PRKCA: variants seen among roughly 807,000 people sequenced by gnomAD.
PRKCA encodes the protein protein kinase C alpha, also known as protein kinase C alpha type.
In PRKCA, 27 loss-of-function variants were observed where a neutral mutation model predicts 87.0. The ratio of observed to expected loss-of-function variants is 0.31; its 90% CI spans 0.23 to 0.43. The LOEUF is 0.43. PRKCA is among the 20% of genes least tolerant of loss of function. PRKCA has a pLI of 1.00. For synonymous variants in PRKCA, 329 were observed against 311.1 expected, an observed-to-expected ratio of 1.06 and a Z score of -0.61; for missense variants, 518 against 852.3, an observed-to-expected ratio of 0.61 and a Z score of 4.88.
chr17:66,731,351 G>GGAAAAAA (rs548166884), intron 8 of PRKCA, among the ~76,000 whole-genome samples: 11 of 112,466 alleles, frequency 9.8e-5, no homozygotes, highest in African/African-American at 4.1e-4. Context: ...CTCCGTCTCA[G>GGAAAAAA]AAAAAAAAAA....
At chr17:66,436,530 A>G (rs1242921201) in intron 2 of PRKCA, among the ~76,000 whole-genome samples, 3 of 152,214 alleles carry the variant, frequency 2.0e-5, no homozygotes, top group Non-Finnish European at 2.9e-5. Context: ...ATTACGGTGA[A>G]TATTCATTGT....
At chr17:66,659,401 C>T (rs933770691) in intron 5 of PRKCA, among the ~76,000 whole-genome samples, 1 of 152,082 alleles carries the variant, frequency 6.6e-6, no homozygotes, top group Non-Finnish European at 1.5e-5. Context: ...CATGAGGAGA[C>T]TCTGTGGAGC....
chr17:66,785,949 C>A (rs1007635428), intron 14 of PRKCA, among the ~76,000 whole-genome samples: 5 of 152,230 alleles, frequency 3.3e-5, no homozygotes, highest in Non-Finnish European at 7.3e-5. Context: ...CTGCCTCAGC[C>A]TCCCCAGTAG....
chr17:66,549,708 G>A (rs1351414549), intron 3 of PRKCA, among the ~76,000 whole-genome samples: 1 of 151,058 alleles, frequency 6.6e-6, no homozygotes, highest in African/African-American at 2.5e-5. Flanking sequence ...GCTGATGAGA[G>A]AGAGGAGTAA....
At position 66,665,215 on chromosome 17, in the gene PRKCA, T is replaced by G. The variant is rs1157152696; in HGVS notation, c.529+19704T>G. Among the ~76,000 whole-genome samples the G allele has an allele frequency of 2.6e-5, 4 of 152,256 alleles. No homozygotes were observed. The East Asian group carries it at 7.7e-4, about 29-fold the overall frequency. ...TACTTGTATAATCTTTTTTAATACT[T>G]AAACGGTTCCTATTGCATGAAACTC... On this transcript the variant is annotated intron_variant, in intron 5 of 16. Coordinates refer to ENST00000413366, the MANE Select transcript of PRKCA (RefSeq NM_002737.3).
intron 8 of PRKCA, among the ~76,000 whole-genome samples, chr17:66,729,772 G>A (rs978904678): frequency 3.5e-5 from 5 of 142,602 alleles, no homozygotes; most frequent in Non-Finnish European, 6.0e-5. Context: ...CTGTATGAGC[G>A]AGTTATTCTT....
chr17:66,713,067 T>TTTTTTTTTTTTTTTTTG (rs1403247186), intron 8 of PRKCA, among the ~76,000 whole-genome samples: 1 of 145,580 alleles, frequency 6.9e-6, no homozygotes, highest in Non-Finnish European at 1.5e-5. Flanking sequence ...TTTTTTTTTT[T>TTTTTTTTTTTTTTTTTG]TTGAGATGGA....
chr17:66,438,693 C>T (rs558266655), intron 2 of PRKCA, among the ~76,000 whole-genome samples: 1 of 152,170 alleles, frequency 6.6e-6, no homozygotes, highest in East Asian at 1.9e-4. Context: ...CTGGGGAGGC[C>T]TCAGGAAACT....
At chr17:66,579,564 C>G (rs1969354514) in intron 3 of PRKCA, among the ~76,000 whole-genome samples, 1 of 152,150 alleles carries the variant, frequency 6.6e-6, no homozygotes, top group Admixed American at 6.5e-5. Flanking sequence ...AACTGAGGCA[C>G]AGAGAGGCCA....
chr17:66,496,165 G>T lies in PRKCA; in HGVS notation c.206-36G>T, dbSNP rs780915641. The T allele has an allele frequency of 1.9e-5, 28 of 1,503,174 alleles. No individual in the cohort carries two copies. In the African/African-American group the frequency reaches 3.0e-4, roughly 16 times the overall value. The allele number at this position is 1,503,174 out of a possible 1,614,324, so 93.1% of individuals were successfully genotyped here. On this transcript the variant is annotated intron_variant, in intron 2 of 16. Transcript: ENST00000413366. ...AAATAAAGCTCGTATGTTAAATCATGTCTATTCTAATTTTAGTTTCCTTTT... is the reference window on the plus strand; with the variant it reads ...AAATAAAGCTCGTATGTTAAATCATTTCTATTCTAATTTTAGTTTCCTTTT...
At chr17:66,793,590 C>CAA (rs1168440797) in intron 16 of PRKCA, among the ~76,000 whole-genome samples, 16 of 51,576 alleles carry the variant, frequency 3.1e-4, no homozygotes, top group East Asian at 1.1e-3. Flanking sequence ...AACTCCGTCT[C>CAA]AAAAAAAAAA....
chr17:66,423,275 T>A (rs1341354249), intron 2 of PRKCA, among the ~76,000 whole-genome samples: 3 of 152,234 alleles, frequency 2.0e-5, no homozygotes, highest in African/African-American at 4.8e-5. Context: ...AAGCTGGTAG[T>A]ACTTTGTTTT....
chr17:66,728,470 G>A (rs751993986), intron 8 of PRKCA, among the ~76,000 whole-genome samples: 1 of 152,244 alleles, frequency 6.6e-6, no homozygotes, highest in Non-Finnish European at 1.5e-5. Flanking sequence ...CACCTTGTGC[G>A]AGCAGGTGTC....
chr17:66,754,612 T>C, intron 13 of PRKCA, among the ~76,000 whole-genome samples: 1 of 152,178 alleles, frequency 6.6e-6, no homozygotes, highest in East Asian at 1.9e-4. Context: ...AGGAGGTTCC[T>C]GAAAAACTCG....
intron 14 of PRKCA, among the ~76,000 whole-genome samples, chr17:66,786,656 C>T (rs183290976): frequency 7.0e-4 from 106 of 152,228 alleles, no homozygotes; most frequent in African/African-American, 1.9e-3. Context: ...AGATAATTAA[C>T]GAGACAGAGG....
At chr17:66,629,878 A>G (rs1970961431) in intron 3 of PRKCA, among the ~76,000 whole-genome samples, 1 of 152,148 alleles carries the variant, frequency 6.6e-6, no homozygotes, top group African/African-American at 2.4e-5. Flanking sequence ...CAATAAGCAC[A>G]TGTGAAATCC....
At chr17:66,675,997 G>A (rs534963752) in intron 5 of PRKCA, among the ~76,000 whole-genome samples, 126 of 152,276 alleles carry the variant, frequency 8.3e-4, no homozygotes, top group Non-Finnish European at 1.6e-3. Flanking sequence ...GGAACATCAC[G>A]TGGGAAGGGC....
intron 8 of PRKCA, among the ~76,000 whole-genome samples, chr17:66,725,399 C>CT (rs1040167675): frequency 1.3e-5 from 2 of 152,160 alleles, no homozygotes; most frequent in African/African-American, 4.8e-5. Context: ...AGAGAGAACT[C>CT]TGAGTTTTGA....
intron 2 of PRKCA, among the ~76,000 whole-genome samples, chr17:66,376,806 C>T (rs944581845): frequency 3.3e-5 from 5 of 151,934 alleles, no homozygotes; most frequent in Admixed American, 3.3e-4. Flanking sequence ...CCATGTAAGT[C>T]CTTTCTTCAG....
Sources: allele counts gnomAD v4.1 joint callset (sites outside exome capture counted in the v4.1 genomes callset), GRCh38; gene constraint gnomAD v4.1.1; transcripts MANE v1.5; gene names NCBI Gene and HGNC (gene_info 2026-07-23, HGNC 2026-07-21).